Variants in TMED5 observed in about 807,000 individuals in gnomAD.
The protein encoded by TMED5 is transmembrane p24 trafficking protein 5.
Under a neutral mutation model 23.0 loss-of-function variants are expected in TMED5, and 27 were observed. The ratio of observed to expected loss-of-function variants is 1.17; its 90% CI spans 0.86 to 1.62. The LOEUF is 1.62. TMED5 is among the 40% of genes most tolerant of loss of function. The pLI is 0.00. For missense variants in TMED5, 248 were observed against 273.7 expected (o/e 0.91, Z 0.66); for synonymous variants, 97 against 100.8 (o/e 0.96, Z 0.23).
chr1:93,163,683 G>T (rs1282394539), intron 1 of TMED5, among the ~76,000 whole-genome samples: 2 of 150,196 alleles, frequency 1.3e-5, no homozygotes, highest in Non-Finnish European at 3.0e-5. Context: ...TACTAAAAAT[G>T]CCACAATCTG....
intron 1 of TMED5, among the ~76,000 whole-genome samples, chr1:93,177,656 T>C (rs1436139457): frequency 7.1e-6 from 1 of 141,490 alleles, no homozygotes; most frequent in Non-Finnish European, 1.5e-5. Flanking sequence ...AGAATAAAGC[T>C]AAACCAAGCC....
At chr1:93,171,179 A>G (rs931548301) in intron 1 of TMED5, among the ~76,000 whole-genome samples, 1 of 152,144 alleles carries the variant, frequency 6.6e-6, no homozygotes, top group African/African-American at 2.4e-5. Flanking sequence ...AGGAGGAACG[A>G]ACAACTCCAG....
chr1:93,163,314 A>G (rs1648352712), intron 1 of TMED5: 1 of 151,652 alleles, frequency 6.6e-6, no homozygotes, highest in Admixed American at 6.6e-5. Flanking sequence ...TTTTAAGACT[A>G]TGGAAGGTTA....
At chr1:93,174,422 T>G (rs1223729398) in intron 1 of TMED5, among the ~76,000 whole-genome samples, 1 of 152,142 alleles carries the variant, frequency 6.6e-6, no homozygotes, top group African/African-American at 2.4e-5. Context: ...GAAGTGGGAG[T>G]ATCACTTGTG....
chr1:93,164,263 G>T (rs752727268), intron 1 of TMED5, among the ~76,000 whole-genome samples: 15 of 152,086 alleles, frequency 9.9e-5, no homozygotes, highest in Middle Eastern at 3.4e-3. Flanking sequence ...AGAAAAAAAA[G>T]ACATGAAAAC....
At chr1:93,170,657 G>A (rs1648693391) in intron 1 of TMED5, among the ~76,000 whole-genome samples, 2 of 152,238 alleles carry the variant, frequency 1.3e-5, no homozygotes, top group East Asian at 1.9e-4. Flanking sequence ...TGCGGCCCAG[G>A]TGCGGGATCC....
chr1:93,163,671 A>C (rs1250016964), intron 1 of TMED5, among the ~76,000 whole-genome samples: 1 of 151,458 alleles, frequency 6.6e-6, no homozygotes, highest in Non-Finnish European at 1.5e-5. Flanking sequence ...ATACAAAATA[A>C]ATACTAAAAA....
chr1:93,168,574 G>A lies in TMED5; in HGVS notation c.190-8348C>T, dbSNP rs538895327. Among the ~76,000 whole-genome samples, 267 of 152,330 alleles carry A rather than the reference G, an allele frequency of 1.8e-3. 1 individual carries two copies. The highest frequency in any genetic ancestry group is 6.3e-3 in the African/African-American group (260 of 41,574). The stretch of plus-strand genomic sequence containing the variant: ...TTACTGGCTGGGCATGGTGGCTCAC[G>A]CCTGTAATCCCAGCACTTTGGGAGG... On this transcript the variant is annotated intron_variant, in intron 1 of 3. Transcript: ENST00000370282.
chr1:93,160,000 G>T, intron 2 of TMED5, 129 bp downstream of exon 2: 1 of 564,566 alleles, frequency 1.8e-6, no homozygotes. Context: ...ACACTATCAT[G>T]AACTGTTTTA....
intron 2 of TMED5, among the ~76,000 whole-genome samples, chr1:93,159,059 CA>C (rs1324100660): frequency 6.6e-6 from 1 of 152,098 alleles, no homozygotes; most frequent in Non-Finnish European, 1.5e-5. Flanking sequence ...ATTGTTGAGA[CA>C]TTTTTTTCCT....
At chr1:93,171,794 A>G (rs1469799700) in intron 1 of TMED5, among the ~76,000 whole-genome samples, 1 of 152,246 alleles carries the variant, frequency 6.6e-6, no homozygotes, top group Non-Finnish European at 1.5e-5. Context: ...AGGAACACAG[A>G]TGCAAAAATC....
intron 1 of TMED5, among the ~76,000 whole-genome samples, chr1:93,175,197 AT>A (rs1293234487): frequency 2.1e-5 from 3 of 142,726 alleles, no homozygotes; most frequent in East Asian, 3.9e-4. Flanking sequence ...ATATATATAT[AT>A]ATAAATGGAC....
Position 93,150,149 on chromosome 1 carries a change from A to G in TMED5, c.*4521T>C, listed in dbSNP as rs1647821225. Reference sequence around the variant, plus strand: ...TTCCCTTCAGTCCCAAGACCTGGCAACCACGAATCTTGTTTCCCATCTCTA... The same window carrying G: ...TTCCCTTCAGTCCCAAGACCTGGCAGCCACGAATCTTGTTTCCCATCTCTA... On this transcript the variant is annotated 3_prime_UTR_variant, in exon 4 of 4. Transcript: ENST00000370282. The G allele has an allele frequency of 6.6e-6, 1 of 152,224 alleles. No individual in the cohort carries two copies. 9.4% of individuals were successfully genotyped at this position (152,224 alleles called of 1,614,324 possible).
intron 1 of TMED5, among the ~76,000 whole-genome samples, chr1:93,164,599 C>A (rs1241726927): frequency 1.3e-5 from 2 of 151,718 alleles, no homozygotes; most frequent in African/African-American, 4.9e-5. Flanking sequence ...TTGTAGTTCA[C>A]AGTTTCACTA....
At chr1:93,156,189 G>GAAAC in intron 3 of TMED5, 111 bp downstream of exon 3, 1 of 1,195,570 alleles carries the variant, frequency 8.4e-7, no homozygotes, top group Non-Finnish European at 1.2e-6. Flanking sequence ...TAAAATATTA[G>GAAAC]AAACAGATTT....
intron 3 of TMED5, 144 bp downstream of exon 3, chr1:93,156,156 G>A: frequency 9.0e-7 from 1 of 1,116,918 alleles, no homozygotes; most frequent in African/African-American, 1.6e-5. Context: ...TGATACTTGA[G>A]GTCAAAGTAT....
rs780205969 is a variant in TMED5, at chr1:93,160,112, TAA to T, written c.287+15_287+16del. The stretch of plus-strand genomic sequence containing the variant: ...GTATTATTCAGCAATGAAACTCAAC[TAA>T]AAGAGATTACTTACGTGTGAACTCC... On this transcript the variant is annotated intron_variant, in intron 2 of 3. Coordinates refer to ENST00000370282, the MANE Select transcript of TMED5 (RefSeq NM_016040.5). 7.7e-6 allele frequency: 12 copies of T among 1,557,386 alleles called. No homozygotes were observed. In the African/African-American group the frequency reaches 1.6e-4, roughly 21 times the overall value.
rs1159492023 is a variant in TMED5, at chr1:93,154,064, A to G, written c.*606T>C. On this transcript the variant is annotated 3_prime_UTR_variant, in exon 4 of 4. Coordinates refer to ENST00000370282, the MANE Select transcript of TMED5 (RefSeq NM_016040.5). ...GGAATGTAAGCAAAGTACAAAGACTAATGCTTTCTGCTAATATGTTACACT... is the reference window on the plus strand; with the variant it reads ...GGAATGTAAGCAAAGTACAAAGACTGATGCTTTCTGCTAATATGTTACACT... 1 of 152,608 alleles carries G rather than the reference A, an allele frequency of 6.6e-6. No individual in the cohort carries two copies. Among genetic ancestry groups the G allele is most frequent in the Non-Finnish European group, 1.5e-5 (1 of 68,022 alleles). The allele number at this position is 152,608 out of a possible 1,614,324, so 9.5% of individuals were successfully genotyped here. A position where few individuals can be genotyped will look rare whatever the true frequency, so the allele number is the denominator to read the frequency against.
At chr1:93,179,456 A>G (rs558917182) in intron 1 of TMED5, among the ~76,000 whole-genome samples, 1 of 152,344 alleles carries the variant, frequency 6.6e-6, no homozygotes, top group Non-Finnish European at 1.5e-5. Flanking sequence ...GTTTTAATAT[A>G]CGATTTGATC....
Sources: allele counts gnomAD v4.1 joint callset (sites outside exome capture counted in the v4.1 genomes callset), GRCh38; gene constraint gnomAD v4.1.1; transcripts MANE v1.5; gene names NCBI Gene and HGNC (gene_info 2026-07-23, HGNC 2026-07-21).